Variants in LINGO1 observed in about 807,000 individuals in gnomAD.
LINGO1 encodes the protein leucine-rich repeat and immunoglobulin-like domain-containing nogo receptor-interacting protein 1.
Under a neutral mutation model 37.3 loss-of-function variants are expected in LINGO1, and 11 were observed. That is an observed-to-expected ratio of 0.29 (90% CI 0.19 to 0.49). The LOEUF (loss-of-function observed/expected upper bound fraction) is 0.49. Among genes scored for constraint, LINGO1 ranks in the 20% least tolerant of loss-of-function variants. LINGO1 has a pLI of 0.99. For synonymous variants in LINGO1, 387 were observed against 403.0 expected, an observed-to-expected ratio of 0.96 and a Z score of 0.48; for missense variants, 585 against 878.2, an observed-to-expected ratio of 0.67 and a Z score of 4.22.
In LINGO1 at chr15:77,614,097, C is replaced by T. The variant is rs540153471; in HGVS notation, c.1810G>A (p.Ala604Thr). ...GGCGCGTCGGCGGAGCTGATGCCTG[C>T]GTCCGACTTTCGGGGCACATACTCG... ...EIEYVPRKSD[A>T]GISSADAPRK... The change falls in exon 2 of 2, where the codon GCA (alanine) becomes ACA (threonine). Residue 604 changes from alanine (A) to threonine (T), a missense_variant. Transcript: ENST00000355300. 6 of 1,613,530 alleles carry T rather than the reference C, an allele frequency of 3.7e-6. No individual in the cohort carries two copies. Among genetic ancestry groups the T allele is most frequent in the East Asian group, 2.2e-5 (1 of 44,854 alleles).
intron 1 of LINGO1, among the ~76,000 whole-genome samples, chr15:77,777,644 C>T (rs1303077658): frequency 6.6e-6 from 1 of 152,170 alleles, no homozygotes; most frequent in Non-Finnish European, 1.5e-5. Context: ...AATTTATTCT[C>T]AGCCAGGCTC....
At chr15:77,700,476 T>C (rs1054890228), upstream of LINGO1, among the ~76,000 whole-genome samples, 1 of 152,148 alleles carries the variant, frequency 6.6e-6, no homozygotes, top group Non-Finnish European at 1.5e-5. Flanking sequence ...TTCGGGCACA[T>C]ACCCTGTGCC....
rs1032728195 is a variant in LINGO1, at chr15:77,632,234, A to G, written c.6+76T>C. 3 of 1,300,334 alleles carry G rather than the reference A, an allele frequency of 2.3e-6. No individual in the cohort carries two copies. Among genetic ancestry groups the G allele is most frequent in the Non-Finnish European group, 9.7e-7 (1 of 1,026,832 alleles). The allele number at this position is 1,300,334 out of a possible 1,614,324, so 80.5% of individuals were successfully genotyped here. Reference sequence around the variant, plus strand: ...CCTGCAACCCCAGGAGGGCGCAGCCAGGGCCGATGGCGGCCCCCAGGGGCA... The same window carrying G: ...CCTGCAACCCCAGGAGGGCGCAGCCGGGGCCGATGGCGGCCCCCAGGGGCA... On this transcript the variant is annotated intron_variant, in intron 1 of 1. Coordinates refer to ENST00000355300, the MANE Select transcript of LINGO1 (RefSeq NM_032808.7). The surrounding 1 kb of genome is among the most constrained non-coding windows in gnomAD (Gnocchi z 6.0).
chr15:77,775,122 G>A (rs1390704410), intron 1 of LINGO1, among the ~76,000 whole-genome samples: 1 of 152,150 alleles, frequency 6.6e-6, no homozygotes, highest in African/African-American at 2.4e-5. Flanking sequence ...GCAGCACCTC[G>A]GGGCTAGAGG....
intron 2 of LINGO1, among the ~76,000 whole-genome samples, chr15:77,686,849 T>A (rs1170408008): frequency 6.6e-6 from 1 of 152,142 alleles, no homozygotes; most frequent in Non-Finnish European, 1.5e-5. Context: ...TCTGATCACT[T>A]GGTGCTCTCA....
At chr15:77,817,400 T>G (rs1469638182) in intron 1 of LINGO1, among the ~76,000 whole-genome samples, 1 of 152,106 alleles carries the variant, frequency 6.6e-6, no homozygotes, top group Non-Finnish European at 1.5e-5. Flanking sequence ...GGAAGGCTTT[T>G]GGGGCCCAAA....
At chr15:77,648,071 T>A in intron 3 of LINGO1, 1 of 382,134 alleles carries the variant, frequency 2.6e-6, no homozygotes, top group Middle Eastern at 7.1e-4. Flanking sequence ...GAGAGGGTGG[T>A]AAGTGGGGAG....
chr15:77,721,793 G>A (rs1004148787), intron 2 of LINGO1, among the ~76,000 whole-genome samples: 116 of 152,156 alleles, frequency 7.6e-4, no homozygotes, highest in Non-Finnish European at 1.5e-3. Context: ...GTATGACCTC[G>A]CAACTTCATC....
rs115619187 is a variant in LINGO1 at position 77,816,156 on chromosome 15, C to G, written c.-458+4102G>C. 9.1e-3 allele frequency among the ~76,000 whole-genome samples: 1,394 copies of G among 152,352 alleles called. 15 individuals are homozygous for G. Among genetic ancestry groups the G allele is most frequent in the African/African-American group, 0.032 (1,340 of 41,576 alleles). On this transcript the variant is annotated intron_variant, in intron 1 of 5. Coordinates refer to the LINGO1 transcript ENST00000562933. ...CTCCCCCACTGAGCCTCTTGGTTAC[C>G]CAGCCGGCTTCACTAATACTCAGAG...
At chr15:77,653,520 A>G (rs779422637) in intron 3 of LINGO1, among the ~76,000 whole-genome samples, 23 of 152,198 alleles carry the variant, frequency 1.5e-4, no homozygotes, top group Non-Finnish European at 1.5e-5. Flanking sequence ...ATGTAATTTG[A>G]TCTGGATCTT....
chr15:77,729,635 C>T (rs1365139830), intron 2 of LINGO1, among the ~76,000 whole-genome samples: 2 of 152,184 alleles, frequency 1.3e-5, no homozygotes, highest in Non-Finnish European at 2.9e-5. Flanking sequence ...CTCCACTCTC[C>T]ACACTCTGAG....
At chr15:77,633,485 C>G (rs1157345836), upstream of LINGO1, among the ~76,000 whole-genome samples, 1 of 152,188 alleles carries the variant, frequency 6.6e-6, no homozygotes, top group African/African-American at 2.4e-5. Flanking sequence ...CTAGAGGGCC[C>G]ACATTCTAGC....
intron 2 of LINGO1, among the ~76,000 whole-genome samples, chr15:77,718,180 G>T (rs1033400708): frequency 6.6e-6 from 1 of 150,884 alleles, no homozygotes; most frequent in African/African-American, 2.4e-5. Context: ...GGCCCACGGA[G>T]GGGTCTTGCC....
At chr15:77,812,193 G>T (rs2077011250) in intron 1 of LINGO1, among the ~76,000 whole-genome samples, 1 of 152,206 alleles carries the variant, frequency 6.6e-6, no homozygotes, top group African/African-American at 2.4e-5. Context: ...CTGCTGTCTT[G>T]TGACCACACC....
At chr15:77,619,119 C>T (rs1411235910) in intron 1 of LINGO1, among the ~76,000 whole-genome samples, 2 of 147,870 alleles carry the variant, frequency 1.4e-5, no homozygotes, top group African/African-American at 2.5e-5. Flanking sequence ...TCCAAAGCCT[C>T]AGCATTTGGC....
chr15:77,736,270 C>T (rs1193678666), intron 1 of LINGO1, among the ~76,000 whole-genome samples: 1 of 152,132 alleles, frequency 6.6e-6, no homozygotes, highest in Non-Finnish European at 1.5e-5. Context: ...AGCACCTGTG[C>T]TTGTGTGCAC....
intron 1 of LINGO1, among the ~76,000 whole-genome samples, chr15:77,781,109 C>A (rs1323530592): frequency 6.6e-6 from 1 of 152,234 alleles, no homozygotes; most frequent in Non-Finnish European, 1.5e-5. Flanking sequence ...TCAGTGATTT[C>A]TTTGAGATTT....
In LINGO1 at chr15:77,614,827, G is replaced by A; in HGVS notation, c.1080C>T (p.Asn360=). The A allele has an allele frequency of 1.9e-6, 3 of 1,612,676 alleles. No homozygotes were observed. The highest frequency in any genetic ancestry group is 2.5e-6 in the Non-Finnish European group (3 of 1,179,404). The change falls in exon 2 of 2, where the codon AAC becomes AAT. Residue 360 remains asparagine (N), a synonymous_variant. Transcript: ENST00000355300. ...TGGAGTCCAGGATGAGTGTCTCCAG[G>A]TTGCCCACCGAGTGGAAGACTGATT... The part of the protein sequence containing the change: ...LEESVFHSVG[N]LETLILDSNP...
chr15:77,792,935 G>T (rs1271344670), intron 2 of LINGO1, among the ~76,000 whole-genome samples: 1 of 152,212 alleles, frequency 6.6e-6, no homozygotes, highest in Non-Finnish European at 1.5e-5. Context: ...AGCAGTGCTG[G>T]GGCCAACAGA....
Sources: allele counts gnomAD v4.1 joint callset (sites outside exome capture counted in the v4.1 genomes callset), GRCh38; gene constraint gnomAD v4.1.1; non-coding constraint Gnocchi (gnomAD v3.1); transcripts MANE v1.5; gene names NCBI Gene and HGNC (gene_info 2026-07-23, HGNC 2026-07-21).